Variants in DDX55 observed in about 807,000 individuals in gnomAD.
The protein encoded by DDX55 is DEAD-box helicase 55.
A neutral mutation model predicts 69.2 loss-of-function variants in DDX55; 56 were observed. The observed-to-expected ratio is 0.81, with a 90% confidence interval of 0.65 to 1.01. The LOEUF (loss-of-function observed/expected upper bound fraction) is 1.01, where lower values mean the gene tolerates loss of function less well. Ranked by LOEUF, DDX55 falls within the 50% of genes least tolerant of loss-of-function variation. The pLI is 0.00. For missense variants in DDX55, 720 were observed against 745.1 expected, an observed-to-expected ratio of 0.97 and a Z score of 0.39; for synonymous variants, 268 against 273.1, an observed-to-expected ratio of 0.98 and a Z score of 0.18.
intron 8 of DDX55, among the ~76,000 whole-genome samples, chr12:123,614,101 C>G (rs1954477356): frequency 6.6e-6 from 1 of 152,044 alleles, no homozygotes; most frequent in African/African-American, 2.4e-5. Flanking sequence ...TGGTACACAC[C>G]CAAACAAGAC....
At position 123,608,709 on chromosome 12, in the gene DDX55, G is replaced by A. The variant is rs780395630; in HGVS notation, c.431G>A (p.Arg144His). Residue 144 changes from arginine to histidine, a missense_variant, in exon 6 of 14, where the codon CGC becomes CAC. Coordinates refer to ENST00000238146, the MANE Select transcript of DDX55 (RefSeq NM_020936.3). The part of the protein sequence containing the change: ...GGNIIVATPG[R>H]LEDMFRRKAE... ...AACATCATTGTGGCCACTCCAGGCC[G>A]CTTGGAGGACATGTTCCGGAGGAAG... 50 of 1,613,842 alleles carry A rather than the reference G, an allele frequency of 3.1e-5. No individual in the cohort carries two copies. Among genetic ancestry groups the A allele is most frequent in the East Asian group, 2.2e-4 (10 of 44,900 alleles).
chr12:123,602,993 C>G (rs1953662257), intron 1 of DDX55, among the ~76,000 whole-genome samples: 1 of 152,174 alleles, frequency 6.6e-6, no homozygotes. Context: ...GAGAGAAATA[C>G]CAGTGCACAT....
intron 11 of DDX55, 151 bp from the exon 12 acceptor site, chr12:123,618,518 G>A: frequency 6.5e-7 from 1 of 1,529,998 alleles, no homozygotes; most frequent in African/African-American, 1.4e-5. Context: ...ACTTTACAGA[G>A]CATGTGAAAT....
At chr12:123,611,968 C>T (rs1014676375) in intron 7 of DDX55, among the ~76,000 whole-genome samples, 7 of 152,254 alleles carry the variant, frequency 4.6e-5, no homozygotes, top group Admixed American at 3.9e-4. Flanking sequence ...TATACAGCTT[C>T]GTAGGGTTGC....
At chr12:123,615,025 T>G (rs1954547638) in intron 8 of DDX55, among the ~76,000 whole-genome samples, 160 bp from the exon 9 acceptor site, 2 of 152,154 alleles carry the variant, frequency 1.3e-5, no homozygotes, top group African/African-American at 2.4e-5. Flanking sequence ...GATTGAGAAC[T>G]CAGTTGTGGA....
intron 9 of DDX55, 58 bp from the exon 10 acceptor site, chr12:123,616,453 T>G: frequency 6.7e-7 from 1 of 1,496,756 alleles, no homozygotes; most frequent in Middle Eastern, 1.7e-4. Context: ...AGTAGGCTGT[T>G]TGATGGTGAT....
chr12:123,607,750 C>G, intron 5 of DDX55, 88 bp downstream of exon 5: 2 of 1,586,940 alleles, frequency 1.3e-6, no homozygotes, highest in Non-Finnish European at 1.7e-6. Context: ...AACTGTGGGT[C>G]CCCCTTTCAG....
At position 123,602,144 on chromosome 12, in the gene DDX55, G is replaced by A. The variant is rs1160879896; in HGVS notation, c.-5G>A. On this transcript the variant is annotated 5_prime_UTR_variant, in exon 1 of 14. Coordinates refer to ENST00000238146, the MANE Select transcript of DDX55 (RefSeq NM_020936.3). ...GCGGCGACCGACGCGGCGAAGGAGC[G>A]CGCCATGGAGCATGTGACAGAGGGC... 1.8e-5 allele frequency: 28 copies of A among 1,546,036 alleles called. No homozygotes were observed. Among genetic ancestry groups the A allele is most frequent in the Non-Finnish European group, 2.3e-5 (26 of 1,146,548 alleles).
chr12:123,615,526 T>C (rs1480085403), intron 9 of DDX55, among the ~76,000 whole-genome samples: 1 of 152,226 alleles, frequency 6.6e-6, no homozygotes, highest in East Asian at 1.9e-4. Context: ...TGCTATGTCA[T>C]TTCCCTAGTT....
chr12:123,618,015 GTT>G (rs568589434), intron 11 of DDX55, 143 bp downstream of exon 11: 6,589 of 449,872 alleles, frequency 0.015, no homozygotes, highest in East Asian at 0.021. Flanking sequence ...CCCTGGTGGG[GTT>G]TTTTTTTTTT....
Position 123,607,539 on chromosome 12 carries a change from T to G in DDX55, c.338+16T>G. The G allele has an allele frequency of 6.2e-7, 1 of 1,614,228 alleles. No homozygotes were observed. Among genetic ancestry groups the G allele is most frequent in the African/African-American group, 1.3e-5 (1 of 75,052 alleles). On this transcript the variant is annotated intron_variant, in intron 4 of 13. Coordinates refer to ENST00000238146, the MANE Select transcript of DDX55 (RefSeq NM_020936.3). Reference sequence around the variant, plus strand: ...CCGAGTTCAGGTGAATTGGATGCAGTGTCCCTGTTAGTCATGGGCTGTTTT... The same window carrying G: ...CCGAGTTCAGGTGAATTGGATGCAGGGTCCCTGTTAGTCATGGGCTGTTTT...
chr12:123,618,465 A>C, intron 11 of DDX55: 1 of 1,478,196 alleles, frequency 6.8e-7, no homozygotes, highest in South Asian at 1.2e-5. Context: ...TAGGATTGTC[A>C]TGTGAAATCT....
At chr12:123,612,084 CTCCAAAATCT>C (rs1954286587) in intron 7 of DDX55, among the ~76,000 whole-genome samples, 1 of 152,130 alleles carries the variant, frequency 6.6e-6, no homozygotes, top group African/African-American at 2.4e-5. Context: ...ATCCAAAATC[CTCCAAAATCT>C]GAAGCTTTTT....
intron 11 of DDX55, chr12:123,618,250 G>A: frequency 2.3e-6 from 1 of 435,912 alleles, no homozygotes; most frequent in Admixed American, 2.7e-5. Context: ...GACCTCAGGT[G>A]ATCCGCCCAC....
In DDX55 at chr12:123,620,231, AGGAGACATCTGAAAAGAAT is replaced by A; in HGVS notation, c.*93_*111del. The A allele has an allele frequency of 7.8e-7, 1 of 1,284,888 alleles. No homozygotes were observed. The highest frequency in any genetic ancestry group is 1.1e-6 in the Non-Finnish European group (1 of 928,558). The allele number at this position is 1,284,888 out of a possible 1,614,324, so 79.6% of individuals were successfully genotyped here. A position where few individuals can be genotyped will look rare whatever the true frequency, so the allele number is the denominator to read the frequency against. ...TGCTTTTAACGAAAATCACAACTTCAGGAGACATCTGAAAAGAATGATGTCTCTGAAAGCTGTCCTTTCA... is the reference window on the plus strand; with the variant it reads ...TGCTTTTAACGAAAATCACAACTTCAGATGTCTCTGAAAGCTGTCCTTTCA... On this transcript the variant is annotated 3_prime_UTR_variant, in exon 14 of 14. Transcript: ENST00000238146.
At chr12:123,617,989 T>G in intron 11 of DDX55, 117 bp downstream of exon 11, 4 of 893,034 alleles carry the variant, frequency 4.5e-6, no homozygotes, top group East Asian at 2.9e-5. Context: ...GCTGGGCTGG[T>G]GGTGGCAGTG....
At chr12:123,617,970 C>G in intron 11 of DDX55, 98 bp downstream of exon 11, 1 of 1,173,360 alleles carries the variant, frequency 8.5e-7, no homozygotes, top group Non-Finnish European at 1.3e-6. Flanking sequence ...GAATTGCAAA[C>G]TCACTGGGGC....
intron 5 of DDX55, 94 bp from the exon 6 acceptor site, chr12:123,608,586 A>G: frequency 3.4e-6 from 5 of 1,471,524 alleles, no homozygotes; most frequent in South Asian, 1.3e-5. Flanking sequence ...GGCTTAAATG[A>G]CTTTGGGGGG....
intron 7 of DDX55, among the ~76,000 whole-genome samples, chr12:123,610,387 G>T (rs1954139353): frequency 6.6e-6 from 1 of 152,064 alleles, no homozygotes; most frequent in African/African-American, 2.4e-5. Flanking sequence ...TGTTTCTATT[G>T]TACATGCTTG....
Sources: gnomAD v4.1 joint callset for allele counts (sites outside exome capture counted in the v4.1 genomes callset) on GRCh38, gnomAD v4.1.1 for gene constraint, MANE v1.5 for transcripts, NCBI Gene and HGNC (gene_info 2026-07-23, HGNC 2026-07-21) for gene names.